The following RHPN2 variants were observed in gnomAD, a reference collection of about 807,000 sequenced individuals.
RHPN2 encodes the protein rhophilin Rho GTPase binding protein 2.
In RHPN2, 40 loss-of-function variants were observed where a neutral mutation model predicts 79.0. The ratio of observed to expected loss-of-function variants is 0.51; its 90% CI spans 0.39 to 0.66. RHPN2 has a LOEUF of 0.66. Among genes scored for constraint, RHPN2 ranks in the 30% least tolerant of loss-of-function variants. The probability of loss-of-function intolerance (pLI) is 0.00; values close to 1 mark genes in which losing one functional copy is unlikely to be tolerated. For synonymous variants in RHPN2, 285 were observed against 363.5 expected (o/e 0.78, Z 2.46); for missense variants, 686 against 883.5 (o/e 0.78, Z 2.83).
Position 33,064,881 on chromosome 19 carries a change from G to C in RHPN2, c.-29C>G, listed in dbSNP as rs751133823. ...AGCGGCGCGGGCGCGGAGGGCGGACGGCGGACTGAGGCGCGGCGGCTGAGG... is the reference window on the plus strand; with the variant it reads ...AGCGGCGCGGGCGCGGAGGGCGGACCGCGGACTGAGGCGCGGCGGCTGAGG... On this transcript the variant is annotated 5_prime_UTR_variant, in exon 1 of 15. Transcript: ENST00000254260. 7.4e-6 allele frequency: 11 copies of C among 1,486,580 alleles called. No homozygotes were observed. The highest frequency in any genetic ancestry group is 9.8e-6 in the Non-Finnish European group (11 of 1,124,750). 92.1% of individuals were successfully genotyped at this position (1,486,580 alleles called of 1,614,324 possible).
At chr19:32,986,156 T>A (rs781191661) in intron 14 of RHPN2, among the ~76,000 whole-genome samples, 10 of 152,146 alleles carry the variant, frequency 6.6e-5, no homozygotes, top group Non-Finnish European at 7.4e-5. Context: ...AGGATACACA[T>A]CTAGACTGTC....
chr19:33,020,329 C>CTT (rs71340522), intron 4 of RHPN2, among the ~76,000 whole-genome samples: 41,437 of 139,168 alleles, frequency 0.3, 7,343 homozygotes, highest in African/African-American at 0.48. Context: ...CTTTCGTTCT[C>CTT]TTTTTTTTTT....
In RHPN2 at chr19:33,006,558, G is replaced by A. The variant is rs149427884; in HGVS notation, c.760+1456C>T. 5.6e-4 allele frequency among the ~76,000 whole-genome samples: 86 copies of A among 152,332 alleles called. 1 individual carries two copies. The East Asian group carries it at 0.014, about 25-fold the overall frequency. On this transcript the variant is annotated intron_variant, in intron 7 of 14. Transcript: ENST00000254260. The stretch of plus-strand genomic sequence containing the variant: ...TCACACCCCAAAGCAGAATGTCGAT[G>A]ATCAGCCCAGAAGGCAACACGCTAT...
chr19:33,044,866 C>T (rs1599832639), intron 1 of RHPN2, among the ~76,000 whole-genome samples: 2 of 152,252 alleles, frequency 1.3e-5, no homozygotes, highest in South Asian at 2.1e-4. Context: ...TGCACTCCAG[C>T]CTCGGCAACC....
intron 12 of RHPN2, among the ~76,000 whole-genome samples, chr19:32,992,813 TAAAAAAA>T (rs56178801): frequency 8.4e-6 from 1 of 119,758 alleles, no homozygotes; most frequent in Admixed American, 8.9e-5. Context: ...GACCCTGTCT[TAAAAAAA>T]AAAAAAAAAA....
At chr19:33,016,324 C>T (rs1203451225) in intron 4 of RHPN2, among the ~76,000 whole-genome samples, 1 of 152,000 alleles carries the variant, frequency 6.6e-6, no homozygotes, top group African/African-American at 2.4e-5. Flanking sequence ...CAATCCACCT[C>T]AACCTCCCAA....
chr19:32,992,980 T>C (rs1568310456), intron 12 of RHPN2, among the ~76,000 whole-genome samples: 1 of 151,226 alleles, frequency 6.6e-6, no homozygotes. Flanking sequence ...TAGTTGGACA[T>C]GGTGGTGTGT....
chr19:33,041,394 C>T (rs10411210), intron 2 of RHPN2, among the ~76,000 whole-genome samples: 32,430 of 152,116 alleles, frequency 0.21, 5,003 homozygotes, highest in African/African-American at 0.43. Flanking sequence ...TATTTGTTTT[C>T]GGGAAACCGT....
chr19:33,025,613 C>G (rs998609548), intron 3 of RHPN2, among the ~76,000 whole-genome samples: 3 of 152,240 alleles, frequency 2.0e-5, no homozygotes, highest in Non-Finnish European at 4.4e-5. Flanking sequence ...CACAGAATCT[C>G]TGTGTGTGCA....
rs1346729682 is a variant in RHPN2, at chr19:32,980,899, A to G, written c.1801-643T>C. Among the ~76,000 whole-genome samples the G allele has an allele frequency of 4.6e-5, 7 of 151,562 alleles. No homozygotes were observed. The East Asian group carries it at 1.2e-3, about 26-fold the overall frequency. ...GTCGCCCAGGCTGGAGTGTAGTGGTACGATCTCGGCTCACTGTAAGCTCCG... is the reference window on the plus strand; with the variant it reads ...GTCGCCCAGGCTGGAGTGTAGTGGTGCGATCTCGGCTCACTGTAAGCTCCG... On this transcript the variant is annotated intron_variant, in intron 14 of 14. Coordinates refer to ENST00000254260, the MANE Select transcript of RHPN2 (RefSeq NM_033103.5).
chr19:33,008,637 G>A (rs1971812795), intron 6 of RHPN2, among the ~76,000 whole-genome samples: 1 of 152,068 alleles, frequency 6.6e-6, no homozygotes, highest in African/African-American at 2.4e-5. Context: ...AGGCATGGTG[G>A]CGGGCGCCTG....
At chr19:33,021,031 C>T (rs1971919863) in intron 4 of RHPN2, among the ~76,000 whole-genome samples, 2 of 152,022 alleles carry the variant, frequency 1.3e-5, no homozygotes, top group South Asian at 4.2e-4. Context: ...AAAGACATAA[C>T]CTAAACTGGT....
chr19:32,987,834 G>T (rs1971623117), intron 14 of RHPN2, among the ~76,000 whole-genome samples: 1 of 152,064 alleles, frequency 6.6e-6, no homozygotes, highest in South Asian at 2.1e-4. Context: ...TTCAAAACAT[G>T]ACTCTTGATT....
intron 14 of RHPN2, among the ~76,000 whole-genome samples, chr19:32,986,812 T>G (rs112174989): frequency 9.9e-6 from 1 of 101,274 alleles, no homozygotes; most frequent in African/African-American, 4.6e-5. Context: ...AAAAAAAAAA[T>G]TTTGAGATAT....
chr19:33,035,187 G>A (rs556006376), intron 2 of RHPN2, among the ~76,000 whole-genome samples: 1 of 151,968 alleles, frequency 6.6e-6, no homozygotes, highest in South Asian at 2.1e-4. Context: ...GGCTAGTCTT[G>A]AACTCCTGAC....
At chr19:33,017,726 G>A (rs370050405) in intron 4 of RHPN2, among the ~76,000 whole-genome samples, 11,812 of 122,854 alleles carry the variant, frequency 0.096, 726 homozygotes, top group African/African-American at 0.15. Context: ...AAAAAAAAAA[G>A]AGAGAGAGAG....
intron 2 of RHPN2, among the ~76,000 whole-genome samples, chr19:33,039,798 A>G (rs1972085979): frequency 6.6e-6 from 1 of 151,626 alleles, no homozygotes; most frequent in African/African-American, 2.4e-5. Flanking sequence ...AGATCACGCC[A>G]CTGCACTCCA....
intron 2 of RHPN2, among the ~76,000 whole-genome samples, chr19:33,035,043 C>T (rs1820440703): frequency 6.6e-6 from 1 of 152,100 alleles, no homozygotes; most frequent in Non-Finnish European, 1.5e-5. Context: ...TCTTGGCTCA[C>T]TGCAACCTCC....
chr19:32,994,390 C>CA (rs1971684481), intron 11 of RHPN2, among the ~76,000 whole-genome samples: 1 of 111,910 alleles, frequency 8.9e-6, no homozygotes, highest in African/African-American at 4.3e-5. Flanking sequence ...AGTCAGACTC[C>CA]GGGGGGAAAA....
Sources: gnomAD v4.1 joint callset for allele counts (sites outside exome capture counted in the v4.1 genomes callset) on GRCh38, gnomAD v4.1.1 for gene constraint, MANE v1.5 for transcripts, NCBI Gene and HGNC (gene_info 2026-07-23, HGNC 2026-07-21) for gene names.